The following KCNMB2 variants were observed in gnomAD, a reference collection of about 807,000 sequenced individuals.
KCNMB2 encodes potassium calcium-activated channel subfamily M regulatory beta subunit 2.
Under a neutral mutation model 24.5 loss-of-function variants are expected in KCNMB2, and 9 were observed. That is an observed-to-expected ratio of 0.37 (90% confidence interval 0.22 to 0.64). KCNMB2 has a LOEUF of 0.64. Among genes scored for constraint, KCNMB2 ranks in the 30% least tolerant of loss-of-function variants. The pLI is 0.63. For missense variants in KCNMB2, 226 were observed against 284.3 expected (o/e 0.79, Z 1.47); for synonymous variants, 109 against 104.4 (o/e 1.04, Z -0.27).
At chr3:178,610,161 C>T (rs892465700) in intron 1 of KCNMB2, among the ~76,000 whole-genome samples, 2 of 152,110 alleles carry the variant, frequency 1.3e-5, no homozygotes, top group Non-Finnish European at 2.9e-5. Context: ...CAGTACCATG[C>T]TGTTTTGTTT....
At position 178,716,758 on chromosome 3, in the gene KCNMB2, C is replaced by A. The variant is rs370056732; in HGVS notation, c.-67-90585C>A. On this transcript the variant is annotated intron_variant, in intron 1 of 4. Coordinates refer to ENST00000452583, the MANE Select transcript of KCNMB2 (RefSeq NM_181361.3). ...AACCTGCATTTCTTGATATCACAGG[C>A]CTTGAGAGAATCTCAGGGACAGGTT... Among the ~76,000 whole-genome samples the A allele has an allele frequency of 5.9e-5, 9 of 152,196 alleles. No homozygotes were observed. In the East Asian group the frequency reaches 1.2e-3, roughly 20 times the overall value.
chr3:178,839,334 C>CA lies in KCNMB2; in HGVS notation c.424-3313dup, dbSNP rs1196475992. Among the ~76,000 whole-genome samples the CA allele has an allele frequency of 3.3e-5, 5 of 151,372 alleles. No homozygotes were observed. The East Asian group carries it at 7.7e-4, about 23-fold the overall frequency. The stretch of plus-strand genomic sequence containing the variant: ...TAACATAAAATAAAAAGAAAAACTA[C>CA]AAAAAAGTGATTTAATTCCATCTGT... On this transcript the variant is annotated intron_variant, in intron 4 of 4. Transcript: ENST00000452583.
In KCNMB2 at chr3:178,702,710, A is replaced by G. The variant is rs375992307; in HGVS notation, c.-67-104633A>G. 2.5e-4 allele frequency among the ~76,000 whole-genome samples: 38 copies of G among 152,342 alleles called. 1 individual carries two copies. In the South Asian group the frequency reaches 7.7e-3, roughly 31 times the overall value. On this transcript the variant is annotated intron_variant, in intron 1 of 4. Coordinates refer to ENST00000452583, the MANE Select transcript of KCNMB2 (RefSeq NM_181361.3). ...ACATCTACACAAATATCAGTGCTAAAAAACAGTTAATCAAGGGATATGAAC... is the reference window on the plus strand; with the variant it reads ...ACATCTACACAAATATCAGTGCTAAGAAACAGTTAATCAAGGGATATGAAC...
intron 2 of KCNMB2, among the ~76,000 whole-genome samples, chr3:178,821,437 GC>G (rs1714622358): frequency 6.6e-6 from 1 of 152,058 alleles, no homozygotes; most frequent in South Asian, 2.1e-4. Flanking sequence ...ACTTGGACAT[GC>G]AAAAAACCAA....
At chr3:178,601,323 A>C (rs1039469219) in intron 1 of KCNMB2, among the ~76,000 whole-genome samples, 11 of 152,138 alleles carry the variant, frequency 7.2e-5, no homozygotes, top group African/African-American at 2.7e-4. Flanking sequence ...CTGCACATGT[A>C]CCCCAGAACT....
At chr3:178,734,288 T>C (rs563665007) in intron 1 of KCNMB2, among the ~76,000 whole-genome samples, 1 of 152,238 alleles carries the variant, frequency 6.6e-6, no homozygotes, top group Admixed American at 6.5e-5. Context: ...TTTCCACTTG[T>C]GGCATCATGC....
At chr3:178,653,183 G>A (rs2096351747) in intron 1 of KCNMB2, among the ~76,000 whole-genome samples, 1 of 151,840 alleles carries the variant, frequency 6.6e-6, no homozygotes, top group Non-Finnish European at 1.5e-5. Flanking sequence ...ATGGTCCTAT[G>A]GATTCTTTGT....
intron 1 of KCNMB2, among the ~76,000 whole-genome samples, chr3:178,784,801 A>C (rs1179678165): frequency 6.8e-6 from 1 of 147,056 alleles, no homozygotes; most frequent in African/African-American, 2.5e-5. Flanking sequence ...TTATCTGCTT[A>C]GTGTCTTTTG....
At chr3:178,612,758 G>A (rs1718528022) in intron 1 of KCNMB2, among the ~76,000 whole-genome samples, 1 of 152,020 alleles carries the variant, frequency 6.6e-6, no homozygotes, top group South Asian at 2.1e-4. Context: ...GATAAGTAAG[G>A]ACTTAATCCT....
At chr3:178,575,724 T>G (rs181062534) in intron 1 of KCNMB2, among the ~76,000 whole-genome samples, 3 of 152,266 alleles carry the variant, frequency 2.0e-5, no homozygotes, top group Admixed American at 2.0e-4. Flanking sequence ...TTTTTAGAAA[T>G]TGTGAGTAAT....
chr3:178,764,191 T>G (rs1304408226), intron 1 of KCNMB2, among the ~76,000 whole-genome samples: 1 of 152,204 alleles, frequency 6.6e-6, no homozygotes, highest in East Asian at 1.9e-4. Context: ...TTGATCTTTG[T>G]GCAAATACAT....
At chr3:178,778,503 C>CA (rs1577180369) in intron 1 of KCNMB2, among the ~76,000 whole-genome samples, 1 of 149,342 alleles carries the variant, frequency 6.7e-6, no homozygotes, top group Admixed American at 6.7e-5. Context: ...CACACACACA[C>CA]CTGTTCCAGG....
intron 1 of KCNMB2, among the ~76,000 whole-genome samples, chr3:178,644,807 C>G (rs113193114): frequency 5.9e-5 from 9 of 152,236 alleles, no homozygotes; most frequent in African/African-American, 1.9e-4. Flanking sequence ...AGCTCTACAT[C>G]CCTTACAAGC....
At chr3:178,717,470 A>G (rs983704836) in intron 1 of KCNMB2, among the ~76,000 whole-genome samples, 4 of 152,084 alleles carry the variant, frequency 2.6e-5, no homozygotes, top group South Asian at 2.1e-4. Flanking sequence ...GCCTAATGCA[A>G]CCTCAGTATA....
intron 1 of KCNMB2, among the ~76,000 whole-genome samples, chr3:178,609,910 T>C (rs1008434797): frequency 1.3e-5 from 2 of 152,172 alleles, no homozygotes; most frequent in Non-Finnish European, 2.9e-5. Context: ...AGTGCTGGGA[T>C]TACAGGTGTG....
intron 1 of KCNMB2, among the ~76,000 whole-genome samples, chr3:178,619,735 C>T (rs1381789416): frequency 6.6e-6 from 1 of 152,030 alleles, no homozygotes; most frequent in African/African-American, 2.4e-5. Flanking sequence ...CCTTGACCCA[C>T]GAAATTGCCA....
intron 4 of KCNMB2, among the ~76,000 whole-genome samples, chr3:178,835,526 A>C (rs1715193640): frequency 2.0e-5 from 3 of 151,702 alleles, no homozygotes; most frequent in Non-Finnish European, 4.4e-5. Flanking sequence ...CTGGGGAACT[A>C]TACATTCTTT....
chr3:178,791,850 G>GAA (rs75465813), intron 1 of KCNMB2, among the ~76,000 whole-genome samples: 21 of 75,778 alleles, frequency 2.8e-4, no homozygotes, highest in Admixed American at 6.9e-4. Context: ...AGTACTGAAA[G>GAA]AAAAAAAAAA....
At chr3:178,620,490 T>C (rs1432099864) in intron 1 of KCNMB2, among the ~76,000 whole-genome samples, 3 of 152,220 alleles carry the variant, frequency 2.0e-5, no homozygotes, top group Admixed American at 2.0e-4. Flanking sequence ...ACCAAGGTGC[T>C]AGCAGATTCA....
Sources: gnomAD v4.1 joint callset for allele counts (sites outside exome capture counted in the v4.1 genomes callset) on GRCh38, gnomAD v4.1.1 for gene constraint, MANE v1.5 for transcripts, NCBI Gene and HGNC (gene_info 2026-07-23, HGNC 2026-07-21) for gene names.